Variants in MEIS2 observed in about 807,000 individuals in gnomAD.
MEIS2 encodes the protein homeobox protein Meis2.
MEIS2 carries 9 observed loss-of-function variants against 58.6 expected under a neutral mutation model. The ratio of observed to expected loss-of-function variants is 0.15; its 90% CI spans 0.09 to 0.27. MEIS2 has a LOEUF of 0.27. Ranked by LOEUF, MEIS2 falls within the 10% of genes least tolerant of loss-of-function variation. The probability of loss-of-function intolerance (pLI) is 1.00; values close to 1 mark genes in which losing one functional copy is unlikely to be tolerated. For missense variants in MEIS2, 427 were observed against 635.0 expected, an observed-to-expected ratio of 0.67 and a Z score of 3.52; for synonymous variants, 221 against 228.4, an observed-to-expected ratio of 0.97 and a Z score of 0.29.
intron 8 of MEIS2, among the ~76,000 whole-genome samples, chr15:37,034,891 T>A (rs2062086224): frequency 6.6e-6 from 1 of 152,040 alleles, no homozygotes; most frequent in African/African-American, 2.4e-5. Flanking sequence ...CGGGCCCTTG[T>A]CTCAGCTTGA....
intron 7 of MEIS2, among the ~76,000 whole-genome samples, chr15:37,069,409 A>G (rs1483751415): frequency 6.6e-6 from 1 of 152,228 alleles, no homozygotes; most frequent in African/African-American, 2.4e-5. Flanking sequence ...TCTTGCAGAA[A>G]GTCTCTTGAC....
chr15:36,953,952 C>T (rs886198742), intron 8 of MEIS2, among the ~76,000 whole-genome samples: 1 of 152,174 alleles, frequency 6.6e-6, no homozygotes, highest in Non-Finnish European at 1.5e-5. Flanking sequence ...TAGTCAACTT[C>T]TTTTGTGATT....
chr15:36,957,734 C>G (rs1026778651), intron 8 of MEIS2, among the ~76,000 whole-genome samples: 4 of 152,182 alleles, frequency 2.6e-5, no homozygotes, highest in Non-Finnish European at 5.9e-5. Context: ...GCACTTAGCT[C>G]AGTATTTCCT....
chr15:36,894,737 G>A, intron 11 of MEIS2: 1 of 1,613,268 alleles, frequency 6.2e-7, no homozygotes, highest in East Asian at 2.2e-5. Flanking sequence ...CTTTGCGATT[G>A]CTTTACATGA....
At chr15:36,894,523 G>A (rs2056065131) in intron 11 of MEIS2, 3 of 446,724 alleles carry the variant, frequency 6.7e-6, no homozygotes, top group Admixed American at 3.6e-5. Context: ...AGGCTTGTCA[G>A]TTGGCCTTTT....
intron 8 of MEIS2, among the ~76,000 whole-genome samples, chr15:36,951,295 T>A (rs2058741997): frequency 6.6e-6 from 1 of 152,138 alleles, no homozygotes. Context: ...AATTATGAAA[T>A]ATGTCTATTA....
chr15:36,903,821 G>A (rs1056990385), intron 9 of MEIS2: 1 of 152,184 alleles, frequency 6.6e-6, no homozygotes, highest in Non-Finnish European at 1.5e-5. Context: ...TTTGATTGAA[G>A]TATTAATTCT....
chr15:36,946,603 T>A (rs1483086672), intron 9 of MEIS2, among the ~76,000 whole-genome samples: 1 of 152,024 alleles, frequency 6.6e-6, no homozygotes, highest in African/African-American at 2.4e-5. Flanking sequence ...TATCATTGTA[T>A]GAAATCATGT....
chr15:37,066,231 T>C (rs1889907659), intron 7 of MEIS2: 1 of 152,154 alleles, frequency 6.6e-6, no homozygotes, highest in South Asian at 2.1e-4. Flanking sequence ...TGGCTCAGGC[T>C]CCAGTTTAAC....
chr15:37,006,129 A>T (rs1316575042), intron 8 of MEIS2, among the ~76,000 whole-genome samples: 1 of 152,200 alleles, frequency 6.6e-6, no homozygotes, highest in African/African-American at 2.4e-5. Context: ...CCTGTGCATA[A>T]TACACATTTT....
At chr15:37,025,039 T>C (rs1277699893) in intron 8 of MEIS2, among the ~76,000 whole-genome samples, 1 of 152,244 alleles carries the variant, frequency 6.6e-6, no homozygotes, top group African/African-American at 2.4e-5. Context: ...TGTCAGGTCT[T>C]TTGCCTTTCT....
At chr15:37,094,296 T>C (rs1893922081) in intron 5 of MEIS2, among the ~76,000 whole-genome samples, 1 of 152,150 alleles carries the variant, frequency 6.6e-6, no homozygotes, top group African/African-American at 2.4e-5. Context: ...TAATCCTGAA[T>C]GCCTGAGGGG....
chr15:37,043,462 T>TA (rs2062520201), intron 7 of MEIS2, among the ~76,000 whole-genome samples: 1 of 152,168 alleles, frequency 6.6e-6, no homozygotes, highest in Non-Finnish European at 1.5e-5. Context: ...TAAAGATACT[T>TA]ATATGTGTTA....
chr15:37,021,538 A>T (rs2061527230), intron 8 of MEIS2, among the ~76,000 whole-genome samples: 2 of 152,210 alleles, frequency 1.3e-5, no homozygotes, highest in Non-Finnish European at 2.9e-5. Flanking sequence ...CAGAAAATTC[A>T]TCAAACAGAG....
At chr15:37,007,948 C>G (rs532165872) in intron 8 of MEIS2, among the ~76,000 whole-genome samples, 4 of 152,224 alleles carry the variant, frequency 2.6e-5, no homozygotes, top group Non-Finnish European at 5.9e-5. Flanking sequence ...ATTTTAAAAC[C>G]TAACATTCTC....
At position 37,099,748 on chromosome 15, in the gene MEIS2, T is replaced by G; in HGVS notation, c.-282A>C. The G allele has an allele frequency of 3.8e-6, 1 of 260,380 alleles. No individual in the cohort carries two copies. The allele number at this position is 260,380 out of a possible 1,614,324, so 16.1% of individuals were successfully genotyped here. A position where few individuals can be genotyped will look rare whatever the true frequency, so the allele number is the denominator to read the frequency against. ...CACCTCCTCCTCCTCCCCCCTCCCC[T>G]CCTCCTCCTCTTCGGTCCTCCTTTC... On this transcript the variant is annotated 5_prime_UTR_variant, in exon 1 of 12. Transcript: ENST00000561208.
intron 6 of MEIS2, among the ~76,000 whole-genome samples, chr15:37,086,954 C>T (rs1327324973): frequency 6.6e-6 from 1 of 152,176 alleles, no homozygotes; most frequent in Admixed American, 6.5e-5. Flanking sequence ...TATATCACAA[C>T]TCCTTTCTTC....
chr15:36,900,823 T>C (rs148056871), intron 9 of MEIS2, among the ~76,000 whole-genome samples: 3,243 of 152,342 alleles, frequency 0.021, 66 homozygotes, highest in Non-Finnish European at 0.032. Flanking sequence ...GATTTAGGTG[T>C]CATTCCTGTT....
chr15:37,084,566 C>T lies in MEIS2; in HGVS notation c.640-681G>A, dbSNP rs570714586. On this transcript the variant is annotated intron_variant, in intron 6 of 11. Transcript: ENST00000561208. ...AAGGAAACATGTGTGAACTACTGTC[C>T]ATCTAGTAAGCTAGAGAGGAGTTTC... 5.7e-4 allele frequency among the ~76,000 whole-genome samples: 87 copies of T among 152,082 alleles called. No individual in the cohort carries two copies. In the South Asian group the frequency reaches 0.015, roughly 25 times the overall value.
Sources: gnomAD v4.1 joint callset for allele counts (sites outside exome capture counted in the v4.1 genomes callset) on GRCh38, gnomAD v4.1.1 for gene constraint, MANE v1.5 for transcripts, NCBI Gene and HGNC (gene_info 2026-07-23, HGNC 2026-07-21) for gene names.